The following CLVS1 variants were observed in gnomAD, a reference collection of about 807,000 sequenced individuals.
CLVS1 encodes the protein clavesin 1.
CLVS1 carries 10 observed loss-of-function variants against 33.1 expected under a neutral mutation model. The observed-to-expected ratio is 0.30, with a 90% CI of 0.19 to 0.51. The LOEUF (loss-of-function observed/expected upper bound fraction) is 0.51. Among genes scored for constraint, CLVS1 ranks in the 20% least tolerant of loss-of-function variants. CLVS1 has a pLI of 0.97. For synonymous variants in CLVS1, 163 were observed against 166.1 expected (o/e 0.98, Z 0.14); for missense variants, 343 against 433.4 (o/e 0.79, Z 1.85).
At chr8:60,992,893 G>A in the CLVS1 span, among the ~76,000 whole-genome samples, 1 of 152,220 alleles carries the variant, frequency 6.6e-6, no homozygotes, top group Non-Finnish European at 1.5e-5. Context: ...GGTCTGGAGG[G>A]CATTAGGGAA....
At chr8:61,488,618 A>G (rs1303015319) in intron 5 of CLVS1, among the ~76,000 whole-genome samples, 2 of 152,224 alleles carry the variant, frequency 1.3e-5, no homozygotes, top group Admixed American at 6.5e-5. Context: ...CTTCTAATTT[A>G]AATAATTTCT....
intron 2 of CLVS1, among the ~76,000 whole-genome samples, chr8:61,276,401 A>G (rs2931289): frequency 0.29 from 44,676 of 152,078 alleles, 7,896 homozygotes; most frequent in Non-Finnish European, 0.38. Flanking sequence ...GTCCCAGCGG[A>G]AGGTGTATAT....
chr8:61,076,243 G>C (rs1804907288), intron 1 of CLVS1, among the ~76,000 whole-genome samples: 1 of 151,232 alleles, frequency 6.6e-6, no homozygotes, highest in Non-Finnish European at 1.5e-5. Flanking sequence ...GTAGCATTTG[G>C]TCTGTTCTAT....
intron 2 of CLVS1, among the ~76,000 whole-genome samples, chr8:61,356,303 TC>T (rs1157641440): frequency 6.6e-6 from 1 of 152,228 alleles, no homozygotes; most frequent in Non-Finnish European, 1.5e-5. Context: ...CGTTGTAGAT[TC>T]TTGATATTAG....
intron 2 of CLVS1, among the ~76,000 whole-genome samples, chr8:61,322,925 C>A (rs535068848): frequency 6.6e-6 from 1 of 152,240 alleles, no homozygotes; most frequent in South Asian, 2.1e-4. Flanking sequence ...CTTTGAACCT[C>A]CCAAATTTTA....
intron 2 of CLVS1, among the ~76,000 whole-genome samples, chr8:61,272,580 G>T (rs890753958): frequency 1.3e-5 from 2 of 152,198 alleles, no homozygotes; most frequent in Non-Finnish European, 2.9e-5. Context: ...ATAATATCCT[G>T]CAGAGTGCTT....
At chr8:61,160,385 C>A (rs1394549941) in intron 2 of CLVS1, among the ~76,000 whole-genome samples, 1 of 152,120 alleles carries the variant, frequency 6.6e-6, no homozygotes, top group Non-Finnish European at 1.5e-5. Flanking sequence ...ATTTAGTAAA[C>A]AAAACAAAAC....
At position 61,110,678 on chromosome 8, in the gene CLVS1, C is replaced by T. The variant is rs535427744; in HGVS notation, c.-242-21092C>T. Among the ~76,000 whole-genome samples the T allele has an allele frequency of 3.3e-5, 5 of 152,216 alleles. No individual in the cohort carries two copies. The South Asian group carries it at 1.0e-3, about 32-fold the overall frequency. ...CCTTGCAAAACTGACACTCTGTACC[C>T]ACTAAACTACAGATCTCCATTTCCT... On this transcript the variant is annotated intron_variant, in intron 1 of 2. Coordinates refer to the CLVS1 transcript ENST00000522621.
At chr8:61,167,807 T>G (rs1381806507) in intron 2 of CLVS1, among the ~76,000 whole-genome samples, 1 of 152,074 alleles carries the variant, frequency 6.6e-6, no homozygotes, top group African/African-American at 2.4e-5. Context: ...GAGTGACCAC[T>G]GGTTGTCCTC....
At chr8:60,985,651 A>G in the CLVS1 span, among the ~76,000 whole-genome samples, 1 of 152,210 alleles carries the variant, frequency 6.6e-6, no homozygotes, top group Admixed American at 6.5e-5. Context: ...GCTTGAATTA[A>G]TGAAATAATG....
intron 1 of CLVS1, among the ~76,000 whole-genome samples, chr8:61,083,107 ATGT>A (rs754581560): frequency 2.0e-4 from 31 of 152,344 alleles, no homozygotes; most frequent in Admixed American, 9.8e-4. Context: ...AAGAAGGAAA[ATGT>A]TGTAAGTAGG....
chr8:61,323,785 T>G (rs556651125), intron 2 of CLVS1, among the ~76,000 whole-genome samples: 1 of 152,228 alleles, frequency 6.6e-6, no homozygotes, highest in South Asian at 2.1e-4. Flanking sequence ...CATTAGTCAG[T>G]TTTCTGGCCC....
chr8:61,206,346 T>C (rs1011244560), intron 2 of CLVS1, among the ~76,000 whole-genome samples: 1 of 152,170 alleles, frequency 6.6e-6, no homozygotes, highest in Non-Finnish European at 1.5e-5. Context: ...AAGTGTGCAG[T>C]AGGTTTGGAG....
chr8:61,110,933 C>T (rs898228118), intron 1 of CLVS1, among the ~76,000 whole-genome samples: 1 of 152,196 alleles, frequency 6.6e-6, no homozygotes, highest in Non-Finnish European at 1.5e-5. Flanking sequence ...TATACCTATA[C>T]ATCTGGTGAT....
intron 5 of CLVS1, 39 bp downstream of exon 5, chr8:61,458,581 G>C: frequency 7.2e-7 from 1 of 1,388,812 alleles, no homozygotes; most frequent in Non-Finnish European, 9.8e-7. Context: ...CCCAGTCAGA[G>C]GTCAATGGAA....
intron 1 of CLVS1, among the ~76,000 whole-genome samples, chr8:61,121,674 T>G (rs935587759): frequency 1.3e-5 from 2 of 152,146 alleles, no homozygotes; most frequent in Non-Finnish European, 2.9e-5. Context: ...CAAAGAGAGA[T>G]GCTGAACATT....
At chr8:61,206,245 C>T (rs1347829402) in intron 2 of CLVS1, among the ~76,000 whole-genome samples, 3 of 152,150 alleles carry the variant, frequency 2.0e-5, no homozygotes, top group Non-Finnish European at 4.4e-5. Flanking sequence ...CTAACCCATA[C>T]CATCAGAACT....
At chr8:61,426,942 C>T (rs1815918487) in intron 3 of CLVS1, among the ~76,000 whole-genome samples, 1 of 152,096 alleles carries the variant, frequency 6.6e-6, no homozygotes. Flanking sequence ...TTCTGACTAG[C>T]TAAAAAGACA....
chr8:61,455,982 A>G (rs1817141778), intron 4 of CLVS1, among the ~76,000 whole-genome samples: 1 of 152,248 alleles, frequency 6.6e-6, no homozygotes, highest in Admixed American at 6.5e-5. Context: ...GAAATGTTTT[A>G]AAACCCATCT....
Sources: gnomAD v4.1 joint callset for allele counts (sites outside exome capture counted in the v4.1 genomes callset) on GRCh38, gnomAD v4.1.1 for gene constraint, MANE v1.5 for transcripts, NCBI Gene and HGNC (gene_info 2026-07-23, HGNC 2026-07-21) for gene names.